Variants in PTBP2 observed in about 807,000 individuals in gnomAD.
PTBP2 encodes the protein polypyrimidine tract binding protein 2, also known as polypyrimidine tract-binding protein 2.
A neutral mutation model predicts 61.4 loss-of-function variants in PTBP2; 13 were observed. The ratio of observed to expected loss-of-function variants is 0.21; its 90% CI spans 0.14 to 0.34. The LOEUF (loss-of-function observed/expected upper bound fraction) is 0.34, where lower values mean the gene tolerates loss of function less well. Among genes scored for constraint, PTBP2 ranks in the 10% least tolerant of loss-of-function variants. PTBP2 has a pLI of 1.00. For synonymous variants in PTBP2, 215 were observed against 218.5 expected (o/e 0.98, Z 0.14); for missense variants, 405 against 642.6 (o/e 0.63, Z 4.00).
exon 14 of PTBP2, chr1:96,821,547 G>T (rs1571061786): frequency 6.6e-6 from 1 of 151,942 alleles, no homozygotes; most frequent in Non-Finnish European, 1.5e-5. Flanking sequence ...TAAAAATATG[G>T]ATTACTACCA....
downstream of PTBP2, chr1:96,817,990 T>G (rs1239195698): frequency 6.6e-6 from 1 of 152,218 alleles, no homozygotes; most frequent in East Asian, 1.9e-4. Flanking sequence ...AAATTGTGTT[T>G]AAGAAATAAG....
chr1:96,746,852 C>CCTCT (rs753426327), intron 2 of PTBP2, among the ~76,000 whole-genome samples: 17,908 of 87,058 alleles, frequency 0.21, 2,509 homozygotes, highest in African/African-American at 0.32. Context: ...TCCCTCCCTC[C>CCTCT]CCCTCCCTCC....
intron 3 of PTBP2, 93 bp downstream of exon 3, chr1:96,751,593 T>G (rs1654552213): frequency 8.7e-6 from 8 of 924,158 alleles, no homozygotes; most frequent in Non-Finnish European, 1.2e-5. Flanking sequence ...AGGAAAGCCT[T>G]TCTTTTTAAA....
At chr1:96,743,079 G>A (rs1199942484) in intron 2 of PTBP2, among the ~76,000 whole-genome samples, 1 of 152,134 alleles carries the variant, frequency 6.6e-6, no homozygotes, top group Non-Finnish European at 1.5e-5. Flanking sequence ...GAGGTCAGGA[G>A]ATCAAGACCA....
At chr1:96,725,393 G>A (rs909327127) in intron 2 of PTBP2, among the ~76,000 whole-genome samples, 4 of 149,202 alleles carry the variant, frequency 2.7e-5, no homozygotes, top group East Asian at 2.0e-4. Context: ...TCCGCCTTCC[G>A]GGTTCACTCC....
intron 3 of PTBP2, among the ~76,000 whole-genome samples, chr1:96,762,107 GAA>G (rs1475158707): frequency 6.6e-6 from 1 of 150,940 alleles, no homozygotes; most frequent in Non-Finnish European, 1.5e-5. Flanking sequence ...AGAACAAAAT[GAA>G]AAGTCTCCCA....
intron 2 of PTBP2, among the ~76,000 whole-genome samples, chr1:96,746,196 A>G (rs1038571618): frequency 1.3e-5 from 2 of 152,180 alleles, no homozygotes; most frequent in Non-Finnish European, 1.5e-5. Context: ...TTAAAGGTAT[A>G]GGTATATATT....
chr1:96,746,439 A>G (rs1653775454), intron 2 of PTBP2, among the ~76,000 whole-genome samples: 1 of 151,804 alleles, frequency 6.6e-6, no homozygotes, highest in African/African-American at 2.4e-5. Context: ...TTTTCCCCCC[A>G]CATTTATGGC....
chr1:96,789,522 A>C (rs1385690613), intron 8 of PTBP2, among the ~76,000 whole-genome samples: 1 of 152,084 alleles, frequency 6.6e-6, no homozygotes, highest in African/African-American at 2.4e-5. Flanking sequence ...CTTGTAACTT[A>C]ATGTCATTTA....
chr1:96,794,145 C>A (rs1265500359), intron 8 of PTBP2, among the ~76,000 whole-genome samples: 1 of 152,018 alleles, frequency 6.6e-6, no homozygotes, highest in Non-Finnish European at 1.5e-5. Flanking sequence ...TTTCCATTAC[C>A]TTCCCCTTTT....
At chr1:96,817,174 A>G (rs1662518921), downstream of PTBP2, 1 of 152,132 alleles carries the variant, frequency 6.6e-6, no homozygotes, top group African/African-American at 2.4e-5. Context: ...TGAAACAGGT[A>G]ATTTTAACAC....
intron 8 of PTBP2, among the ~76,000 whole-genome samples, chr1:96,800,185 TG>T (rs1268815340): frequency 6.6e-6 from 1 of 151,876 alleles, no homozygotes; most frequent in African/African-American, 2.4e-5. Flanking sequence ...TCCGGAATGG[TG>T]GAAGTAAATC....
downstream of PTBP2, chr1:96,818,905 C>A (rs1274275351): frequency 2.0e-5 from 3 of 151,916 alleles, no homozygotes; most frequent in African/African-American, 7.2e-5. Context: ...GAATCCAAGT[C>A]CCTGGCTTTC....
rs1473399974 is a variant in PTBP2 at position 96,812,743 on chromosome 1, T to C, written c.1203T>C (p.Tyr401=). ...AMNHLNGQKM[Y]GKIIRVTLSK... is the part of the protein sequence containing the mutation. ...ATCATCTTAATGGACAGAAAATGTA[T>C]GGAAAAATTATTCGTGTTACTCTGT... Residue 401 remains tyrosine, a synonymous_variant, in exon 12 of 14, where the codon TAT becomes TAC. Transcript: ENST00000674951. The C allele has an allele frequency of 1.2e-6, 2 of 1,605,410 alleles. No homozygotes were observed. Among genetic ancestry groups the C allele is most frequent in the East Asian group, 2.2e-5 (1 of 44,758 alleles).
At chr1:96,788,481 G>GT (rs1160868180) in intron 8 of PTBP2, among the ~76,000 whole-genome samples, 1 of 152,004 alleles carries the variant, frequency 6.6e-6, no homozygotes, top group Non-Finnish European at 1.5e-5. Flanking sequence ...TATTGCATGA[G>GT]TGAGGTCATG....
At chr1:96,809,057 A>G (rs1390799669) in intron 11 of PTBP2, among the ~76,000 whole-genome samples, 1 of 152,206 alleles carries the variant, frequency 6.6e-6, no homozygotes, top group East Asian at 1.9e-4. Context: ...AGAATTGATA[A>G]AGGATTTAGT....
chr1:96,816,565 TGAA>T (rs764005757), downstream of PTBP2: 25 of 152,116 alleles, frequency 1.6e-4, no homozygotes, highest in Admixed American at 3.9e-4. Context: ...TTGAAAGCAA[TGAA>T]GAAAATTTTT....
At chr1:96,758,856 G>A (rs1655460637) in intron 3 of PTBP2, among the ~76,000 whole-genome samples, 1 of 152,038 alleles carries the variant, frequency 6.6e-6, no homozygotes, top group African/African-American at 2.4e-5. Context: ...AAGGAAGAAA[G>A]AAAACTGTCT....
chr1:96,768,516 T>G (rs1657008014), intron 3 of PTBP2, among the ~76,000 whole-genome samples: 1 of 152,072 alleles, frequency 6.6e-6, no homozygotes, highest in Admixed American at 6.6e-5. Flanking sequence ...ATCCTTCATT[T>G]TAGCTAAGTC....
Sources: gnomAD v4.1 joint callset for allele counts (sites outside exome capture counted in the v4.1 genomes callset) on GRCh38, gnomAD v4.1.1 for gene constraint, MANE v1.5 for transcripts, NCBI Gene and HGNC (gene_info 2026-07-23, HGNC 2026-07-21) for gene names.